Variants in CNR2 observed in about 807,000 individuals in gnomAD.
The protein encoded by CNR2 is cannabinoid receptor 2 (macrophage).
For missense variants in CNR2, 379 were observed against 439.9 expected, an observed-to-expected ratio of 0.86 and a Z score of 1.24; for synonymous variants, 172 against 182.2, an observed-to-expected ratio of 0.94 and a Z score of 0.45.
At chr1:23,877,784 A>C (rs755935400) in intron 1 of CNR2, among the ~76,000 whole-genome samples, 4 of 152,008 alleles carry the variant, frequency 2.6e-5, no homozygotes, top group Non-Finnish European at 4.4e-5. Flanking sequence ...AACATGATGA[A>C]ACCCTGTCTC....
chr1:23,870,905 C>T lies in CNR2; in HGVS notation c.*3630G>A, dbSNP rs1639750913. On this transcript the variant is annotated 3_prime_UTR_variant, in exon 2 of 2. Transcript: ENST00000374472. ...TGGTGGCTCACACCTGTAATCCTAG[C>T]ACTTTGGGAGGCTAAGGTGGGTGGA... 6.6e-6 allele frequency: 1 copy of T among 152,198 alleles called. No individual in the cohort carries two copies. The highest frequency in any genetic ancestry group is 1.5e-5 in the Non-Finnish European group (1 of 68,080). 9.4% of individuals were successfully genotyped at this position (152,198 alleles called of 1,614,324 possible).
intron 1 of CNR2, among the ~76,000 whole-genome samples, chr1:23,890,234 G>A (rs1410802061): frequency 6.8e-6 from 1 of 147,770 alleles, no homozygotes; most frequent in Admixed American, 6.8e-5. Flanking sequence ...GCTCTAGCCC[G>A]GGCTACAGAG....
chr1:23,898,055 C>A (rs1336168030), intron 1 of CNR2, among the ~76,000 whole-genome samples: 1 of 151,998 alleles, frequency 6.6e-6, no homozygotes, highest in African/African-American at 2.4e-5. Context: ...GAGATGGAGT[C>A]TCACTCTGTC....
intron 1 of CNR2, among the ~76,000 whole-genome samples, chr1:23,876,294 C>T (rs1442609028): frequency 6.6e-6 from 1 of 151,200 alleles, no homozygotes; most frequent in Non-Finnish European, 1.5e-5. Flanking sequence ...GTAACCTCTG[C>T]CTCCCAGGCA....
intron 1 of CNR2, among the ~76,000 whole-genome samples, chr1:23,905,022 T>C (rs1640465167): frequency 6.6e-6 from 1 of 152,106 alleles, no homozygotes; most frequent in African/African-American, 2.4e-5. Context: ...TTCAGGCTGG[T>C]TCCCAGAACA....
chr1:23,897,755 C>T (rs997310482), intron 1 of CNR2, among the ~76,000 whole-genome samples: 2 of 152,126 alleles, frequency 1.3e-5, no homozygotes, highest in East Asian at 3.9e-4. Flanking sequence ...CCACCACGCC[C>T]GCCCTGAAGT....
chr1:23,904,239 C>T (rs1233470835), intron 1 of CNR2, among the ~76,000 whole-genome samples: 1 of 146,332 alleles, frequency 6.8e-6, no homozygotes, highest in African/African-American at 2.5e-5. Flanking sequence ...GTGGTGCGAT[C>T]TCGGCTCACT....
At chr1:23,880,965 A>G (rs575626861) in intron 1 of CNR2, among the ~76,000 whole-genome samples, 1 of 151,186 alleles carries the variant, frequency 6.6e-6, no homozygotes, top group Non-Finnish European at 1.5e-5. Context: ...TTCTGACCAC[A>G]TAAAATTTAT....
intron 1 of CNR2, among the ~76,000 whole-genome samples, chr1:23,900,230 C>T (rs2148468709): frequency 6.6e-6 from 1 of 152,178 alleles, no homozygotes; most frequent in African/African-American, 2.4e-5. Flanking sequence ...CCTGGCCAAT[C>T]AGCACTCCTG....
intron 1 of CNR2, 90 bp from the exon 2 acceptor site, chr1:23,875,752 C>T: frequency 9.7e-7 from 1 of 1,027,800 alleles, no homozygotes. Flanking sequence ...AAACTGCTAC[C>T]TGTATGGATG....
At position 23,887,738 on chromosome 1, in the gene CNR2, A is replaced by G. The variant is rs1253828766; in HGVS notation, c.-45-12076T>C. Among the ~76,000 whole-genome samples the G allele has an allele frequency of 1.3e-5, 2 of 152,190 alleles. 1 individual carries two copies. Among genetic ancestry groups the G allele is most frequent in the Admixed American group, 1.3e-4 (2 of 15,262 alleles). On this transcript the variant is annotated intron_variant, in intron 1 of 1. Transcript: ENST00000374472. Reference sequence around the variant, plus strand: ...AGTAGGAAATTAAGAAAATAACAGAATAATGGTATAAGTAATAATAGTAAA... The same window carrying G: ...AGTAGGAAATTAAGAAAATAACAGAGTAATGGTATAAGTAATAATAGTAAA...
intron 1 of CNR2, among the ~76,000 whole-genome samples, chr1:23,885,813 G>T (rs1640078682): frequency 1.3e-5 from 2 of 151,944 alleles, no homozygotes; most frequent in Admixed American, 1.3e-4. Flanking sequence ...AGGAGGCGGA[G>T]GTTGCAGTGA....
intron 1 of CNR2, among the ~76,000 whole-genome samples, chr1:23,876,048 A>G (rs1258175526): frequency 6.6e-6 from 1 of 152,170 alleles, no homozygotes. Context: ...TGTTTGTTTT[A>G]CATTTTGTTT....
At chr1:23,895,797 C>T (rs991493118) in intron 1 of CNR2, among the ~76,000 whole-genome samples, 7 of 152,182 alleles carry the variant, frequency 4.6e-5, no homozygotes, top group African/African-American at 1.7e-4. Context: ...CCACCGTGCC[C>T]GGCCAGGACT....
intron 1 of CNR2, among the ~76,000 whole-genome samples, chr1:23,903,885 G>A (rs888450062): frequency 4.6e-5 from 7 of 152,188 alleles, no homozygotes; most frequent in African/African-American, 1.7e-4. Flanking sequence ...TGCACAAAAG[G>A]GCAGAGCCCG....
At chr1:23,910,654 C>CAAAAAAAAAAAAAAAAAAAAA (rs34083515) in intron 1 of CNR2, among the ~76,000 whole-genome samples, 1 of 32,192 alleles carries the variant, frequency 3.1e-5, no homozygotes, top group Non-Finnish European at 4.8e-5. Flanking sequence ...AACGCTGTCT[C>CAAAAAAAAAAAAAAAAAAAAA]AAAAAAAAAA....
chr1:23,882,651 CAAAAAA>C (rs34245051), intron 1 of CNR2, among the ~76,000 whole-genome samples: 24 of 112,658 alleles, frequency 2.1e-4, no homozygotes, highest in Admixed American at 3.2e-4. Flanking sequence ...ACTAAAAATA[CAAAAAA>C]AAAAAAAAAA....
chr1:23,889,095 C>A (rs1161004469), intron 1 of CNR2, among the ~76,000 whole-genome samples: 1 of 152,108 alleles, frequency 6.6e-6, no homozygotes, highest in Non-Finnish European at 1.5e-5. Context: ...AGGGAGCGTC[C>A]ATGGTGGGGC....
At position 23,905,049 on chromosome 1, in the gene CNR2, G is replaced by C. The variant is rs539379269; in HGVS notation, c.-46+8197C>G. ...CCCAGAACAGGGGAGTTTGTGAAGC[G>C]ATGTGGAGAGCCATGGAGGCTCAGC... On this transcript the variant is annotated intron_variant, in intron 1 of 1. Transcript: ENST00000374472. Among the ~76,000 whole-genome samples, 3 of 152,304 alleles carry C rather than the reference G, an allele frequency of 2.0e-5. No individual in the cohort carries two copies. In the East Asian group the frequency reaches 5.8e-4, roughly 29 times the overall value.
Sources: allele counts gnomAD v4.1 joint callset (sites outside exome capture counted in the v4.1 genomes callset), GRCh38; gene constraint gnomAD v4.1.1; transcripts MANE v1.5; gene names NCBI Gene and HGNC (gene_info 2026-07-23, HGNC 2026-07-21).